RAB38: variants seen among roughly 807,000 people sequenced by gnomAD.
RAB38 encodes RAB38, member RAS oncogene family, also known as ras-related protein Rab-38.
A neutral mutation model predicts 18.4 loss-of-function variants in RAB38; 15 were observed. The ratio of observed to expected loss-of-function variants is 0.82; its 90% confidence interval spans 0.55 to 1.26. The LOEUF (loss-of-function observed/expected upper bound fraction) is 1.26, where lower values mean the gene tolerates loss of function less well. RAB38 is among the 50% of genes most tolerant of loss of function. The probability of loss-of-function intolerance (pLI) is 0.00; values close to 1 mark genes in which losing one functional copy is unlikely to be tolerated. For synonymous variants in RAB38, 101 were observed against 104.4 expected, an observed-to-expected ratio of 0.97 and a Z score of 0.20; for missense variants, 294 against 267.4, an observed-to-expected ratio of 1.10 and a Z score of -0.69.
chr11:88,094,741 C>T, the RAB38 span, among the ~76,000 whole-genome samples: 2 of 151,948 alleles, frequency 1.3e-5, no homozygotes, highest in African/African-American at 4.8e-5. Context: ...AAAGGCAGAA[C>T]TATACTTTTT....
chr11:88,029,259 C>A, the RAB38 span, among the ~76,000 whole-genome samples: 50 of 152,028 alleles, frequency 3.3e-4, no homozygotes, highest in African/African-American at 1.2e-3. Flanking sequence ...CAACCGGTAC[C>A]AGCTGCTACA....
the RAB38 span, among the ~76,000 whole-genome samples, chr11:88,047,062 C>G: frequency 6.6e-6 from 1 of 152,180 alleles, no homozygotes; most frequent in African/African-American, 2.4e-5. Flanking sequence ...CGCCCTAATA[C>G]TTTTAGAGGC....
chr11:88,074,762 G>T, the RAB38 span, among the ~76,000 whole-genome samples: 6 of 152,276 alleles, frequency 3.9e-5, no homozygotes, highest in East Asian at 7.7e-4. Context: ...GCACAGGATA[G>T]CTGAATGAAT....
chr11:88,033,789 G>T, the RAB38 span, among the ~76,000 whole-genome samples: 2 of 146,152 alleles, frequency 1.4e-5, no homozygotes, highest in African/African-American at 5.2e-5. Flanking sequence ...GTACAGTGGC[G>T]CAATCTCAGC....
the RAB38 span, chr11:88,061,724 C>T: frequency 6.6e-6 from 1 of 152,034 alleles, no homozygotes; most frequent in Non-Finnish European, 1.5e-5. Context: ...GGTGTGAGGC[C>T]TGATTTCCTC....
the RAB38 span, among the ~76,000 whole-genome samples, chr11:88,028,923 A>G: frequency 6.6e-6 from 1 of 152,188 alleles, no homozygotes; most frequent in African/African-American, 2.4e-5. Context: ...AAGATACATA[A>G]TTGTCAGATT....
At chr11:88,164,839 ACACAC>A (rs1462271646) in intron 1 of RAB38, among the ~76,000 whole-genome samples, 1 of 152,006 alleles carries the variant, frequency 6.6e-6, no homozygotes, top group Admixed American at 6.6e-5. Context: ...TTTAAGATAC[ACACAC>A]CACACAATAC....
At chr11:88,026,851 A>C in the RAB38 span, among the ~76,000 whole-genome samples, 1 of 152,196 alleles carries the variant, frequency 6.6e-6, no homozygotes, top group Non-Finnish European at 1.5e-5. Flanking sequence ...TAGGATATTC[A>C]GGTGGTTGTC....
the RAB38 span, among the ~76,000 whole-genome samples, chr11:87,853,262 T>A: frequency 6.6e-6 from 1 of 152,178 alleles, no homozygotes; most frequent in Non-Finnish European, 1.5e-5. Context: ...TAACTCCTAA[T>A]ATTATGGTAT....
At chr11:87,882,862 C>T in the RAB38 span, among the ~76,000 whole-genome samples, 1 of 151,732 alleles carries the variant, frequency 6.6e-6, no homozygotes, top group South Asian at 2.1e-4. Flanking sequence ...GAGCTTTCTC[C>T]TCTCTCCCCA....
chr11:88,009,517 T>C, the RAB38 span, among the ~76,000 whole-genome samples: 3 of 152,168 alleles, frequency 2.0e-5, no homozygotes, highest in Non-Finnish European at 1.5e-5. Flanking sequence ...GTGAAAGGCA[T>C]AGACAGAAAC....
chr11:87,871,662 T>C, the RAB38 span, among the ~76,000 whole-genome samples: 2 of 151,500 alleles, frequency 1.3e-5, no homozygotes, highest in Non-Finnish European at 3.0e-5. Flanking sequence ...CCTGGAAAAA[T>C]GCTTTATTCT....
intron 1 of RAB38, among the ~76,000 whole-genome samples, chr11:88,159,224 AAT>A (rs1943159885): frequency 1.4e-5 from 2 of 147,352 alleles, no homozygotes; most frequent in African/African-American, 2.5e-5. Context: ...TAAATAAATA[AAT>A]AAATAAATAA....
the RAB38 span, among the ~76,000 whole-genome samples, chr11:87,977,793 A>G: frequency 6.2e-5 from 7 of 113,184 alleles, no homozygotes; most frequent in Non-Finnish European, 1.2e-4. Context: ...TCATAGTTAT[A>G]TATATTATAG....
chr11:88,037,089 A>G, the RAB38 span, among the ~76,000 whole-genome samples: 1 of 152,026 alleles, frequency 6.6e-6, no homozygotes, highest in Non-Finnish European at 1.5e-5. Flanking sequence ...CTACATAATC[A>G]TCTAGTTTGA....
chr11:87,859,179 A>G, the RAB38 span, among the ~76,000 whole-genome samples: 1 of 151,886 alleles, frequency 6.6e-6, no homozygotes, highest in South Asian at 2.1e-4. Context: ...AATTTTAAAA[A>G]TAGGAAAAAT....
chr11:88,040,837 A>C, the RAB38 span, among the ~76,000 whole-genome samples: 1 of 152,304 alleles, frequency 6.6e-6, no homozygotes, highest in Admixed American at 6.5e-5. Context: ...CTCAGCCTAT[A>C]ACACTTGCCA....
the RAB38 span, among the ~76,000 whole-genome samples, chr11:88,034,564 A>C: frequency 6.6e-6 from 1 of 152,190 alleles, no homozygotes; most frequent in Non-Finnish European, 1.5e-5. Flanking sequence ...ATGACATCTT[A>C]TTGTAGTTTA....
the RAB38 span, among the ~76,000 whole-genome samples, chr11:88,011,408 A>G: frequency 2.4e-4 from 36 of 152,186 alleles, no homozygotes; most frequent in Admixed American, 1.9e-3. Flanking sequence ...TATTATTCCT[A>G]TTTTACAAGT....
Sources: allele counts gnomAD v4.1 joint callset (sites outside exome capture counted in the v4.1 genomes callset), GRCh38; gene constraint gnomAD v4.1.1; transcripts MANE v1.5; gene names NCBI Gene and HGNC (gene_info 2026-07-23, HGNC 2026-07-21).